Variants in SLC4A10 observed in about 807,000 individuals in gnomAD.
The protein encoded by SLC4A10 is solute carrier family 4 member 10.
In SLC4A10, 42 loss-of-function variants were observed where a neutral mutation model predicts 137.7. That is an observed-to-expected ratio of 0.30 (90% CI 0.24 to 0.39). SLC4A10 has a LOEUF of 0.39. SLC4A10 is among the 10% of genes least tolerant of loss of function. The probability of loss-of-function intolerance (pLI) is 1.00; values close to 1 mark genes in which losing one functional copy is unlikely to be tolerated. For synonymous variants in SLC4A10, 474 were observed against 464.1 expected (o/e 1.02, Z -0.27); for missense variants, 925 against 1,355.0 (o/e 0.68, Z 4.98).
chr2:161,944,918 C>T (rs1693458464), intron 16 of SLC4A10, among the ~76,000 whole-genome samples: 1 of 151,128 alleles, frequency 6.6e-6, no homozygotes, highest in Non-Finnish European at 1.5e-5. Flanking sequence ...AAAATAGTGA[C>T]ATAACATTTA....
intron 5 of SLC4A10, among the ~76,000 whole-genome samples, chr2:161,857,055 C>A (rs1575311752): frequency 6.6e-6 from 1 of 152,130 alleles, no homozygotes; most frequent in East Asian, 1.9e-4. Context: ...TAATGCTTTC[C>A]TCAGAAAGTT....
chr2:161,777,251 C>A (rs927600320), intron 2 of SLC4A10, among the ~76,000 whole-genome samples: 15 of 151,708 alleles, frequency 9.9e-5, no homozygotes, highest in African/African-American at 3.6e-4. Flanking sequence ...ATATTCTAGA[C>A]AGTAACCTCT....
At chr2:161,920,274 G>A (rs1028540073) in intron 15 of SLC4A10, among the ~76,000 whole-genome samples, 12 of 152,122 alleles carry the variant, frequency 7.9e-5, no homozygotes, top group South Asian at 2.1e-4. Context: ...ATGACACCCC[G>A]GGGACCTCAT....
chr2:161,941,429 A>T (rs1692673399), intron 15 of SLC4A10, among the ~76,000 whole-genome samples: 1 of 152,188 alleles, frequency 6.6e-6, no homozygotes, highest in Non-Finnish European at 1.5e-5. Context: ...CTATTGGAGG[A>T]GCTATGAATA....
intron 1 of SLC4A10, among the ~76,000 whole-genome samples, chr2:161,641,890 A>T (rs984525172): frequency 6.6e-6 from 1 of 152,068 alleles, no homozygotes. Flanking sequence ...ACTTATAATT[A>T]TACAATATTC....
At chr2:161,883,501 G>C (rs974003305) in intron 10 of SLC4A10, among the ~76,000 whole-genome samples, 1 of 152,100 alleles carries the variant, frequency 6.6e-6, no homozygotes, top group Non-Finnish European at 1.5e-5. Flanking sequence ...TTTTCCCTCA[G>C]TTTTCAAAAG....
chr2:161,709,693 T>A (rs1379897408), intron 1 of SLC4A10: 1 of 151,644 alleles, frequency 6.6e-6, no homozygotes, highest in African/African-American at 2.4e-5. Flanking sequence ...ACTGAAACTC[T>A]GCCATTTATT....
At chr2:161,674,379 A>T (rs2040061869) in intron 1 of SLC4A10, among the ~76,000 whole-genome samples, 1 of 152,210 alleles carries the variant, frequency 6.6e-6, no homozygotes, top group African/African-American at 2.4e-5. Context: ...AGTGCATTTA[A>T]TATGGCACCT....
At chr2:161,794,618 T>C (rs1336081177) in intron 2 of SLC4A10, among the ~76,000 whole-genome samples, 1 of 152,112 alleles carries the variant, frequency 6.6e-6, no homozygotes, top group Admixed American at 6.6e-5. Flanking sequence ...TCAGTTCACA[T>C]TGGGTATAGA....
At chr2:161,736,965 A>G (rs2047408619) in intron 1 of SLC4A10, among the ~76,000 whole-genome samples, 1 of 152,000 alleles carries the variant, frequency 6.6e-6, no homozygotes, top group Non-Finnish European at 1.5e-5. Flanking sequence ...GGCTCAAGTG[A>G]TCCTCTCACC....
chr2:161,905,025 T>A (rs62188820), intron 14 of SLC4A10, 116 bp downstream of exon 14: 79,020 of 1,014,734 alleles, frequency 0.078, 3,439 homozygotes, highest in East Asian at 0.12. Context: ...GCCTGATTTG[T>A]TTCAGTTTAT....
intron 2 of SLC4A10, among the ~76,000 whole-genome samples, chr2:161,787,815 GTTC>G (rs533311480): frequency 2.0e-3 from 309 of 152,032 alleles, no homozygotes; most frequent in African/African-American, 5.7e-3. Flanking sequence ...TTTCTGAGTT[GTTC>G]TTCTGGTTTC....
chr2:161,708,818 C>T, intron 1 of SLC4A10: 1 of 1,532,384 alleles, frequency 6.5e-7, no homozygotes. Flanking sequence ...TTTTCAATCT[C>T]TAAGTCATCA....
At chr2:161,915,734 T>C (rs1232366510) in intron 15 of SLC4A10, among the ~76,000 whole-genome samples, 1 of 152,106 alleles carries the variant, frequency 6.6e-6, no homozygotes. Flanking sequence ...ACTCATGCAC[T>C]CCCTCCTGCA....
chr2:161,957,742 G>C (rs1359606797), intron 20 of SLC4A10, among the ~76,000 whole-genome samples: 1 of 151,802 alleles, frequency 6.6e-6, no homozygotes, highest in Non-Finnish European at 1.5e-5. Context: ...TGCATATAGT[G>C]ATTTTTTTTT....
At chr2:161,950,659 A>AACTATGC in intron 18 of SLC4A10, 28 bp from the exon 19 acceptor site, 1 of 1,561,630 alleles carries the variant, frequency 6.4e-7, no homozygotes, top group Non-Finnish European at 8.7e-7. Context: ...TCCAGTTCAT[A>AACTATGC]ACTATGCACA....
At chr2:161,729,609 TA>T (rs950651496) in intron 1 of SLC4A10, among the ~76,000 whole-genome samples, 3 of 150,272 alleles carry the variant, frequency 2.0e-5, no homozygotes, top group Admixed American at 2.0e-4. Flanking sequence ...AGTTTTAAAA[TA>T]AAGCGAATTT....
chr2:161,720,941 G>T (rs2125117882), intron 1 of SLC4A10, among the ~76,000 whole-genome samples: 1 of 151,410 alleles, frequency 6.6e-6, no homozygotes, highest in African/African-American at 2.4e-5. Flanking sequence ...TAATTCTCCT[G>T]CCTCAGCCTC....
chr2:161,883,400 C>A (rs1404300447), intron 10 of SLC4A10, among the ~76,000 whole-genome samples: 2 of 152,046 alleles, frequency 1.3e-5, no homozygotes, highest in African/African-American at 2.4e-5. Flanking sequence ...ATTATAAATT[C>A]TTCAATCTGT....
Sources: gnomAD v4.1 joint callset for allele counts (sites outside exome capture counted in the v4.1 genomes callset) on GRCh38, gnomAD v4.1.1 for gene constraint, MANE v1.5 for transcripts, NCBI Gene and HGNC (gene_info 2026-07-23, HGNC 2026-07-21) for gene names.